Variants in FSIP2 observed in about 807,000 individuals in gnomAD.
FSIP2 encodes fibrous sheath interacting protein 2.
In FSIP2, 367 loss-of-function variants were observed where a neutral mutation model predicts 510.5. That is an observed-to-expected ratio of 0.72 (90% CI 0.66 to 0.78). The LOEUF (loss-of-function observed/expected upper bound fraction) is 0.78, where lower values mean the gene tolerates loss of function less well. Ranked by LOEUF, FSIP2 falls within the 30% of genes least tolerant of loss-of-function variation. FSIP2 has a pLI of 0.00. For missense variants in FSIP2, 7,594 were observed against 7,901.7 expected, an observed-to-expected ratio of 0.96 and a Z score of 1.48; for synonymous variants, 2,601 against 2,732.2, an observed-to-expected ratio of 0.95 and a Z score of 1.50.
Position 185,791,935 on chromosome 2 carries a change from A to G in FSIP2, c.4799A>G (p.His1600Arg), listed in dbSNP as rs1693138730. ...FAKLEGFANG[H>R]LEILGAINDG... The stretch of plus-strand genomic sequence containing the variant: ...AAACTGGAAGGGTTTGCCAACGGAC[A>G]TTTAGAAATTTTGGGTGCTATTAAT... Residue 1600 changes from histidine (H) to arginine (R), a missense_variant, in exon 16 of 23, where the codon CAT becomes CGT. Physicochemically the swap from His to Arg is conservative, Grantham distance 29. Coordinates refer to ENST00000424728, the MANE Select transcript of FSIP2 (RefSeq NM_173651.4). 1.3e-6 allele frequency: 2 copies of G among 1,533,918 alleles called. No individual in the cohort carries two copies. The highest frequency in any genetic ancestry group is 2.0e-5 in the Admixed American group (1 of 50,842).
At chr2:185,769,203 A>G (rs1692558129) in intron 13 of FSIP2, among the ~76,000 whole-genome samples, 1 of 152,182 alleles carries the variant, frequency 6.6e-6, no homozygotes, top group African/African-American at 2.4e-5. Flanking sequence ...TCTTTGAGGA[A>G]TCATCACACG....
Position 185,806,255 on chromosome 2 carries a change from G to A in FSIP2, c.16949G>A (p.Arg5650Gln), listed in dbSNP as rs1372238930. 19 of 1,609,736 alleles carry A rather than the reference G, an allele frequency of 1.2e-5. No homozygotes were observed. Among genetic ancestry groups the A allele is most frequent in the Admixed American group, 1.2e-4 (7 of 59,482 alleles). The change falls in exon 17 of 23, where the codon CGA (arginine) becomes CAA (glutamine). Residue 5650 changes from arginine to glutamine, a missense_variant. Physicochemically the swap from Arg to Gln is conservative, Grantham distance 43. Coordinates refer to ENST00000424728, the MANE Select transcript of FSIP2 (RefSeq NM_173651.4). ...TTTDTLEIRI[R>Q]TSSNEGRRDS... Reference sequence around the variant, plus strand: ...ACAGATACTTTGGAAATAAGAATTCGAACATCAAGCAATGAGGGGAGAAGA... The same window carrying A: ...ACAGATACTTTGGAAATAAGAATTCAAACATCAAGCAATGAGGGGAGAAGA...
At position 185,792,980 on chromosome 2, in the gene FSIP2, T is replaced by C; in HGVS notation, c.5844T>C (p.Val1948=). 1 of 1,534,470 alleles carries C rather than the reference T, an allele frequency of 6.5e-7. No homozygotes were observed. The highest frequency in any genetic ancestry group is 1.4e-5 in the African/African-American group (1 of 73,008). ...TTTATTCTCAAGTCAACTTTACAGT[T>C]CCAGTGGCTTTACCTATTCAGCAAG... The part of the protein sequence containing the change: ...SLFYSQVNFT[V]PVALPIQQDH... The change falls in exon 16 of 23, where the codon GTT becomes GTC. Residue 1948 remains valine, a synonymous_variant. Coordinates refer to ENST00000424728, the MANE Select transcript of FSIP2 (RefSeq NM_173651.4).
At position 185,761,061 on chromosome 2, in the gene FSIP2, T is replaced by C. The variant is rs1360040695; in HGVS notation, c.1152T>C (p.Val384=). The change falls in exon 10 of 23, where the codon GTT becomes GTC. Residue 384 remains valine, a synonymous_variant. Transcript: ENST00000424728. ...NNFTKKNSAS[V]VYQADVQDNG... ...TTACGAAAAAAAACTCAGCTTCTGT[T>C]GTTTATCAGGCAGATGTACAGGATA... The C allele has an allele frequency of 6.7e-7, 1 of 1,495,346 alleles. No homozygotes were observed. Among genetic ancestry groups the C allele is most frequent in the Non-Finnish European group, 9.0e-7 (1 of 1,114,190 alleles). 92.6% of individuals were successfully genotyped at this position (1,495,346 alleles called of 1,614,324 possible).
intron 7 of FSIP2, among the ~76,000 whole-genome samples, 171 bp downstream of exon 7, chr2:185,747,594 A>G (rs974829202): frequency 6.6e-6 from 1 of 152,086 alleles, no homozygotes; most frequent in Non-Finnish European, 1.5e-5. Flanking sequence ...CTATCATATA[A>G]AAAGTACTGC....
intron 9 of FSIP2, among the ~76,000 whole-genome samples, chr2:185,759,064 C>T (rs574102950): frequency 6.6e-6 from 1 of 151,120 alleles, no homozygotes. Flanking sequence ...ACCTCCAGTA[C>T]AATGTTGAAC....
chr2:185,808,678 A>T lies in FSIP2; in HGVS notation c.19372A>T (p.Ile6458Phe). ...CTTTCCTAAAAAAGTGGCTAGTTTA[A>T]TTATTGATGGAGTTTCAAGTTTTCC... ...TAFPKKVASL[I>F]IDGVSSFPLD... Residue 6458 changes from isoleucine to phenylalanine, a missense_variant, in exon 17 of 23, where the codon ATT becomes TTT. By Grantham distance (21) the Ile-to-Phe change is conservative. Transcript: ENST00000424728. 1 of 1,609,346 alleles carries T rather than the reference A, an allele frequency of 6.2e-7. No individual in the cohort carries two copies. Among genetic ancestry groups the T allele is most frequent in the Non-Finnish European group, 8.5e-7 (1 of 1,177,968 alleles).
At chr2:185,740,069 CAG>C (rs1223226921) in intron 2 of FSIP2, among the ~76,000 whole-genome samples, 2 of 152,148 alleles carry the variant, frequency 1.3e-5, no homozygotes, top group East Asian at 3.9e-4. Context: ...TGTCTCCAAC[CAG>C]AGAGGCTCAG....
chr2:185,817,184 C>T (rs1693842859), intron 19 of FSIP2, among the ~76,000 whole-genome samples: 1 of 151,958 alleles, frequency 6.6e-6, no homozygotes, highest in Non-Finnish European at 1.5e-5. Flanking sequence ...GTGGAAAGAG[C>T]AGAGTAGATC....
intron 19 of FSIP2, among the ~76,000 whole-genome samples, chr2:185,815,973 C>T (rs547406705): frequency 6.6e-6 from 1 of 152,052 alleles, no homozygotes; most frequent in African/African-American, 2.4e-5. Flanking sequence ...AAGTGAAAGA[C>T]AATCCAAGTT....
At chr2:185,757,746 T>A (rs148112487) in intron 9 of FSIP2, among the ~76,000 whole-genome samples, 5 of 151,336 alleles carry the variant, frequency 3.3e-5, no homozygotes, top group Admixed American at 1.3e-4. Context: ...GCTTCTTAGC[T>A]TGTCTTTGTA....
chr2:185,824,378 T>A, intron 19 of FSIP2, 56 bp from the exon 20 acceptor site: 1 of 1,166,208 alleles, frequency 8.6e-7, no homozygotes, highest in South Asian at 1.3e-5. Context: ...GCTTAACCAG[T>A]AACTTCTTCA....
chr2:185,799,815 T>C lies in FSIP2; in HGVS notation c.10509T>C (p.Thr3503=), dbSNP rs1262145315. The change falls in exon 17 of 23, where the codon ACT becomes ACC. Residue 3503 remains threonine (T), a synonymous_variant. Coordinates refer to ENST00000424728, the MANE Select transcript of FSIP2 (RefSeq NM_173651.4). The stretch of plus-strand genomic sequence containing the variant: ...TTTATCAATGTTGTGAACATCTCAC[T>C]GAGTCAGTACTTTACCATTTAACTT... The part of the protein sequence containing the change: ...SSIYQCCEHL[T]ESVLYHLTSS... The C allele has an allele frequency of 3.3e-6, 5 of 1,531,398 alleles. No homozygotes were observed. In the East Asian group the frequency reaches 9.8e-5, roughly 30 times the overall value. 94.9% of individuals were successfully genotyped at this position (1,531,398 alleles called of 1,614,324 possible). A position where few individuals can be genotyped will look rare whatever the true frequency, so the allele number is the denominator to read the frequency against.
chr2:185,748,274 C>T (rs1486130235), intron 7 of FSIP2, among the ~76,000 whole-genome samples: 2 of 151,538 alleles, frequency 1.3e-5, no homozygotes, highest in African/African-American at 4.8e-5. Context: ...TTTCTTCTTT[C>T]TTTTTTGTTT....
Position 185,795,106 on chromosome 2 carries a change from A to G in FSIP2, c.7970A>G (p.Lys2657Arg), listed in dbSNP as rs756720493. The G allele has an allele frequency of 5.1e-5, 79 of 1,534,900 alleles. No individual in the cohort carries two copies. The highest frequency in any genetic ancestry group is 6.5e-5 in the Non-Finnish European group (74 of 1,146,152). ...AAGGTGAGCCCTAAGGACAACCCTA[A>G]GCCATGCTTTAAAGCACATTTAAAA... ...PLKVSPKDNP[K>R]PCFKAHLKTR... Residue 2657 changes from lysine (K) to arginine (R), a missense_variant, in exon 16 of 23, where the codon AAG (lysine) becomes AGG (arginine). Physicochemically the swap from Lys to Arg is conservative, Grantham distance 26. Transcript: ENST00000424728.
chr2:185,805,752 GA>G lies in FSIP2; in HGVS notation c.16452del (p.Gly5485ValfsTer11). On this transcript the variant is annotated frameshift_variant, in exon 17 of 23. Coordinates refer to ENST00000424728, the MANE Select transcript of FSIP2 (RefSeq NM_173651.4). LOFTEE classifies it high-confidence loss of function. ...KSFKTKDTSV[K>X]KGDIQNPVLS... ...GTTTTAAAACCAAGGACACATCAGT[GA>G]AAAAAGGTGACATCCAAAATCCAGT... 6.3e-7 allele frequency: 1 copy of G among 1,598,448 alleles called. No individual in the cohort carries two copies. Among genetic ancestry groups the G allele is most frequent in the Non-Finnish European group, 8.5e-7 (1 of 1,175,190 alleles).
chr2:185,808,344 A>T lies in FSIP2; in HGVS notation c.19038A>T (p.Lys6346Asn), dbSNP rs766247271. The change falls in exon 17 of 23, where the codon AAA becomes AAT. Residue 6346 changes from lysine (K) to asparagine (N), a missense_variant. Lys to Asn is a moderately conservative substitution (Grantham distance 94, BLOSUM62 0). Transcript: ENST00000424728. ...SSRKGLTLDA[K>N]LLEEVLALFL... is the part of the protein sequence containing the mutation. ...GAAAAGGTTTGACATTAGATGCCAA[A>T]CTTTTAGAAGAGGTGTTGGCCTTGT... The T allele has an allele frequency of 1.2e-6, 2 of 1,610,958 alleles. No homozygotes were observed. Among genetic ancestry groups the T allele is most frequent in the Non-Finnish European group, 8.5e-7 (1 of 1,179,008 alleles).
chr2:185,746,912 G>C, intron 6 of FSIP2, 102 bp downstream of exon 6: 1 of 805,774 alleles, frequency 1.2e-6, no homozygotes, highest in Admixed American at 3.1e-5. Context: ...AGTCATTTCA[G>C]TTCAAAATAA....
rs1250061736 is a variant in FSIP2, at chr2:185,805,625, C to A, written c.16319C>A (p.Ser5440Tyr). 7.5e-6 allele frequency: 12 copies of A among 1,609,296 alleles called. No homozygotes were observed. The highest frequency in any genetic ancestry group is 1.3e-5 in the African/African-American group (1 of 74,562). The part of the protein sequence containing the change: ...ISRCAKENQL[S>Y]LPDQSYKDTS... ...AGATGTGCAAAAGAGAACCAACTTT[C>A]TTTACCAGATCAATCATATAAAGAT... Residue 5440 changes from serine to tyrosine, a missense_variant, in exon 17 of 23, where the codon TCT (serine) becomes TAT (tyrosine). Ser to Tyr is a moderately radical substitution (Grantham distance 144). Coordinates refer to ENST00000424728, the MANE Select transcript of FSIP2 (RefSeq NM_173651.4).
Sources: allele counts gnomAD v4.1 joint callset (sites outside exome capture counted in the v4.1 genomes callset), GRCh38; gene constraint gnomAD v4.1.1; transcripts MANE v1.5; gene names NCBI Gene and HGNC (gene_info 2026-07-23, HGNC 2026-07-21).